Variants in KCNH1 observed in about 807,000 individuals in gnomAD.
KCNH1 encodes voltage-gated delayed rectifier potassium channel KCNH1.
In KCNH1, 27 loss-of-function variants were observed where a neutral mutation model predicts 69.2. The ratio of observed to expected loss-of-function variants is 0.39; its 90% confidence interval spans 0.29 to 0.54. The LOEUF (loss-of-function observed/expected upper bound fraction) is 0.54. Among genes scored for constraint, KCNH1 ranks in the 20% least tolerant of loss-of-function variants. KCNH1 has a pLI of 0.68. For missense variants in KCNH1, 798 were observed against 1,261.6 expected, an observed-to-expected ratio of 0.63 and a Z score of 5.57; for synonymous variants, 456 against 487.7, an observed-to-expected ratio of 0.93 and a Z score of 0.86.
In KCNH1 at chr1:211,096,667, A is replaced by G. The variant is rs146827976; in HGVS notation, c.311-5977T>C. ...TTGTTTGTAGGTAAGATTCCATTTT[A>G]TAAGACGTCAAACCGCTCCCTCTAA... On this transcript the variant is annotated intron_variant, in intron 3 of 10. Transcript: ENST00000271751. Among the ~76,000 whole-genome samples, 29 of 152,352 alleles carry G rather than the reference A, an allele frequency of 1.9e-4. No homozygotes were observed. In the East Asian group the frequency reaches 5.4e-3, roughly 28 times the overall value.
intron 6 of KCNH1, among the ~76,000 whole-genome samples, chr1:210,922,269 C>A (rs1408903729): frequency 6.6e-6 from 1 of 151,722 alleles, no homozygotes; most frequent in Non-Finnish European, 1.5e-5. Context: ...GTGGTCCCAG[C>A]TACTTGGGAG....
chr1:210,891,717 T>C (rs1686754503), intron 7 of KCNH1, among the ~76,000 whole-genome samples: 1 of 152,166 alleles, frequency 6.6e-6, no homozygotes, highest in Non-Finnish European at 1.5e-5. Context: ...TTACTGGGTA[T>C]ATACCCAAAG....
At position 210,772,286 on chromosome 1, in the gene KCNH1, G is replaced by T. The variant is rs1683767392; in HGVS notation, c.2112+3062C>A. On this transcript the variant is annotated intron_variant, in intron 10 of 10. Transcript: ENST00000271751. ...AGATCAAGAAACTCCCCAGATAGAT[G>T]TCAAAGGCACTGTGTTGTCAAGAAT... 3.3e-5 allele frequency among the ~76,000 whole-genome samples: 5 copies of T among 152,138 alleles called. No homozygotes were observed. In the South Asian group the frequency reaches 1.0e-3, roughly 32 times the overall value.
At chr1:210,849,259 T>C (rs1324076827) in intron 7 of KCNH1, among the ~76,000 whole-genome samples, 1 of 152,162 alleles carries the variant, frequency 6.6e-6, no homozygotes, top group African/African-American at 2.4e-5. Flanking sequence ...AAGGATTCAT[T>C]TGGATTACCA....
At chr1:210,701,409 G>A (rs1413555435) in intron 10 of KCNH1, among the ~76,000 whole-genome samples, 3 of 152,118 alleles carry the variant, frequency 2.0e-5, no homozygotes, top group Non-Finnish European at 2.9e-5. Flanking sequence ...TCACTATATA[G>A]GTGAGAATAC....
At chr1:210,783,828 T>C (rs1281657517) in intron 9 of KCNH1, among the ~76,000 whole-genome samples, 1 of 152,218 alleles carries the variant, frequency 6.6e-6, no homozygotes, top group Non-Finnish European at 1.5e-5. Context: ...TTGGAGCAGC[T>C]GAACCTGCAA....
chr1:211,028,899 C>T (rs1408427063), intron 5 of KCNH1, among the ~76,000 whole-genome samples: 1 of 152,030 alleles, frequency 6.6e-6, no homozygotes, highest in Admixed American at 6.6e-5. Context: ...GAACACTTCT[C>T]AATTCATTTT....
chr1:211,010,868 G>A (rs1689378525), intron 6 of KCNH1, among the ~76,000 whole-genome samples: 1 of 152,194 alleles, frequency 6.6e-6, no homozygotes, highest in African/African-American at 2.4e-5. Flanking sequence ...AACTAAAAGA[G>A]AAGTAGAACT....
intron 7 of KCNH1, among the ~76,000 whole-genome samples, chr1:210,824,787 C>T (rs908491616): frequency 1.3e-5 from 2 of 152,126 alleles, no homozygotes; most frequent in African/African-American, 4.8e-5. Flanking sequence ...TATCAATGAA[C>T]TTTTCATACT....
chr1:210,824,447 A>G (rs1362685296), intron 7 of KCNH1, among the ~76,000 whole-genome samples: 1 of 152,176 alleles, frequency 6.6e-6, no homozygotes, highest in Admixed American at 6.6e-5. Context: ...CATAGATAAC[A>G]TAGTTTATGG....
intron 5 of KCNH1, among the ~76,000 whole-genome samples, chr1:211,039,501 GA>G (rs1689953183): frequency 6.6e-6 from 1 of 152,162 alleles, no homozygotes; most frequent in Non-Finnish European, 1.5e-5. Flanking sequence ...TGTGCACCCA[GA>G]AAAGCCACAG....
chr1:210,700,853 T>G (rs916648276), intron 10 of KCNH1, among the ~76,000 whole-genome samples: 1 of 152,204 alleles, frequency 6.6e-6, no homozygotes, highest in African/African-American at 2.4e-5. Context: ...TTTATGGTCT[T>G]TTGTTGTCTC....
intron 6 of KCNH1, among the ~76,000 whole-genome samples, chr1:210,963,051 G>C (rs1003343151): frequency 6.6e-6 from 1 of 151,466 alleles, no homozygotes; most frequent in Non-Finnish European, 1.5e-5. Context: ...CTTTAAAAAA[G>C]TATTCCCAAA....
chr1:211,087,822 G>T (rs944948742), intron 4 of KCNH1, among the ~76,000 whole-genome samples: 1 of 152,148 alleles, frequency 6.6e-6, no homozygotes. Context: ...CTCATAAAAA[G>T]GATGGTGAGA....
At chr1:210,765,693 A>G (rs1046905910) in intron 10 of KCNH1, among the ~76,000 whole-genome samples, 1 of 152,188 alleles carries the variant, frequency 6.6e-6, no homozygotes, top group Admixed American at 6.5e-5. Flanking sequence ...TATGAAATAT[A>G]TAGGAAAAGC....
intron 4 of KCNH1, among the ~76,000 whole-genome samples, chr1:211,088,911 T>A (rs1457467449): frequency 6.6e-6 from 1 of 152,172 alleles, no homozygotes; most frequent in African/African-American, 2.4e-5. Flanking sequence ...TGGAGCATTT[T>A]ATTCCTGGAA....
Position 210,682,828 on chromosome 1 carries a change from G to T in KCNH1, c.*453C>A. Reference sequence around the variant, plus strand: ...GTGACGTCAGACACGGGCTGTACAAGGACGGGGATGCCGGGAAGTCCTTGG... The same window carrying T: ...GTGACGTCAGACACGGGCTGTACAATGACGGGGATGCCGGGAAGTCCTTGG... On this transcript the variant is annotated 3_prime_UTR_variant, in exon 11 of 11. Transcript: ENST00000271751. 6.0e-6 allele frequency: 1 copy of T among 166,070 alleles called. No homozygotes were observed. The highest frequency in any genetic ancestry group is 1.3e-5 in the Non-Finnish European group (1 of 76,096). The allele number at this position is 166,070 out of a possible 1,614,324, so 10.3% of individuals were successfully genotyped here. A position where few individuals can be genotyped will look rare whatever the true frequency, so the allele number is the denominator to read the frequency against.
chr1:210,830,493 C>T (rs966373376), intron 7 of KCNH1, among the ~76,000 whole-genome samples: 1 of 152,114 alleles, frequency 6.6e-6, no homozygotes, highest in African/African-American at 2.4e-5. Flanking sequence ...TTCCCTGGAG[C>T]ATAATTTGCT....
At chr1:210,950,242 A>T (rs1398132177) in intron 6 of KCNH1, among the ~76,000 whole-genome samples, 1 of 150,624 alleles carries the variant, frequency 6.6e-6, no homozygotes, top group Non-Finnish European at 1.5e-5. Flanking sequence ...ATTATACTTT[A>T]AGTTTTAGGG....
Sources: gnomAD v4.1 joint callset for allele counts (sites outside exome capture counted in the v4.1 genomes callset) on GRCh38, gnomAD v4.1.1 for gene constraint, MANE v1.5 for transcripts, NCBI Gene and HGNC (gene_info 2026-07-23, HGNC 2026-07-21) for gene names.